The following MOCS1 variants were observed in gnomAD, a reference collection of about 807,000 sequenced individuals.
MOCS1 encodes the protein molybdenum cofactor biosynthesis protein 1.
In MOCS1, 39 loss-of-function variants were observed where a neutral mutation model predicts 57.6. That is an observed-to-expected ratio of 0.68 (90% CI 0.52 to 0.88). The LOEUF is 0.88. Among genes scored for constraint, MOCS1 ranks in the 40% least tolerant of loss-of-function variants. The probability of loss-of-function intolerance (pLI) is 0.00; values close to 1 mark genes in which losing one functional copy is unlikely to be tolerated. For synonymous variants in MOCS1, 334 were observed against 335.7 expected, an observed-to-expected ratio of 1.00 and a Z score of 0.05; for missense variants, 795 against 831.1, an observed-to-expected ratio of 0.96 and a Z score of 0.53.
At chr6:39,927,901 T>C (rs75079579) in intron 1 of MOCS1, among the ~76,000 whole-genome samples, 1 of 152,060 alleles carries the variant, frequency 6.6e-6, no homozygotes, top group African/African-American at 2.4e-5. Context: ...GCTTCACTCT[T>C]TCCCATGTAC....
At position 39,905,801 on chromosome 6, in the gene MOCS1, G is replaced by A. The variant is rs780037358; in HGVS notation, c.*556C>T. 1 of 470,990 alleles carries A rather than the reference G, an allele frequency of 2.1e-6. No individual in the cohort carries two copies. The highest frequency in any genetic ancestry group is 1.5e-5 in the South Asian group (1 of 64,566). 29.2% of individuals were successfully genotyped at this position (470,990 alleles called of 1,614,324 possible). A position where few individuals can be genotyped will look rare whatever the true frequency, so the allele number is the denominator to read the frequency against. ...CAAGTCTGATGGGACACAGACTTGG[G>A]CAGAAGGAGAGATGAAGTCAGGACA... On this transcript the variant is annotated 3_prime_UTR_variant, in exon 11 of 11. Coordinates refer to ENST00000340692, the MANE Select transcript of MOCS1 (RefSeq NM_001358530.2).
At chr6:39,927,153 C>A (rs961832597) in intron 2 of MOCS1, 176 bp downstream of exon 2, 4 of 659,332 alleles carry the variant, frequency 6.1e-6, no homozygotes, top group Non-Finnish European at 1.0e-5. Context: ...TACAACTCAG[C>A]CTTGACCCCT....
rs769994559 is a variant in MOCS1, at chr6:39,906,326, C to G, written c.*31G>C. The stretch of plus-strand genomic sequence containing the variant: ...CCTACATTGCATCCCAGCTCCAGGC[C>G]TGGGTGGGCCATGGGTGAGAAGGGC... On this transcript the variant is annotated 3_prime_UTR_variant, in exon 11 of 11. Transcript: ENST00000340692. 2.5e-6 allele frequency: 4 copies of G among 1,599,602 alleles called. No homozygotes were observed. Among genetic ancestry groups the G allele is most frequent in the East Asian group, 4.5e-5 (2 of 44,560 alleles).
intron 7 of MOCS1, 130 bp from the exon 8 acceptor site, chr6:39,912,504 CA>C: frequency 1.4e-6 from 1 of 729,466 alleles, no homozygotes. Context: ...AAGCTCCACC[CA>C]AGGCCCTCAG....
intron 8 of MOCS1, among the ~76,000 whole-genome samples, chr6:39,911,992 C>G (rs1414157430): frequency 6.6e-6 from 1 of 152,194 alleles, no homozygotes; most frequent in Admixed American, 6.5e-5. Flanking sequence ...TCCTGCAGCT[C>G]CATGAGAGCT....
At chr6:39,923,058 G>C (rs573938969) in intron 3 of MOCS1, among the ~76,000 whole-genome samples, 56 of 152,298 alleles carry the variant, frequency 3.7e-4, no homozygotes, top group Middle Eastern at 3.4e-3. Flanking sequence ...GGAAGTGAGG[G>C]GGTGCAGCCA....
At chr6:39,934,136 G>A (rs1033433517) in intron 1 of MOCS1, among the ~76,000 whole-genome samples, 159 bp downstream of exon 1, 3 of 152,078 alleles carry the variant, frequency 2.0e-5, no homozygotes, top group East Asian at 3.9e-4. Context: ...GGGTGAGACC[G>A]GGCGGTCCAT....
intron 10 of MOCS1, among the ~76,000 whole-genome samples, chr6:39,908,557 T>C (rs1582802665): frequency 6.6e-6 from 1 of 152,210 alleles, no homozygotes; most frequent in East Asian, 1.9e-4. Flanking sequence ...TTACCTCATG[T>C]TACATGTGAG....
intron 3 of MOCS1, among the ~76,000 whole-genome samples, chr6:39,923,347 C>T (rs1292896320): frequency 1.3e-5 from 2 of 152,242 alleles, no homozygotes; most frequent in African/African-American, 2.4e-5. Context: ...GTTCACCCAG[C>T]CAGAGAGTGG....
intron 3 of MOCS1, among the ~76,000 whole-genome samples, chr6:39,921,086 G>A (rs1373121730): frequency 1.3e-5 from 2 of 151,936 alleles, no homozygotes; most frequent in African/African-American, 2.4e-5. Flanking sequence ...TATAGGGAAG[G>A]CCCCATAGGT....
chr6:39,912,167 G>C (rs976232779), intron 8 of MOCS1, 97 bp downstream of exon 8: 4 of 954,176 alleles, frequency 4.2e-6, no homozygotes, highest in Non-Finnish European at 6.9e-6. Flanking sequence ...CCGACACCGT[G>C]CCCTGCCAGC....
At chr6:39,908,327 A>G (rs1767083012) in intron 10 of MOCS1, among the ~76,000 whole-genome samples, 1 of 152,036 alleles carries the variant, frequency 6.6e-6, no homozygotes, top group South Asian at 2.1e-4. Flanking sequence ...CTGCGAGCAA[A>G]GGGTCAAGGC....
chr6:39,914,988 C>T (rs1767573419), intron 4 of MOCS1, among the ~76,000 whole-genome samples: 1 of 152,122 alleles, frequency 6.6e-6, no homozygotes, highest in Non-Finnish European at 1.5e-5. Flanking sequence ...GAGTATGTGC[C>T]ATTGATTGAA....
At chr6:39,915,963 G>C (rs1238298204) in intron 4 of MOCS1, 105 bp downstream of exon 4, 2 of 1,289,910 alleles carry the variant, frequency 1.6e-6, no homozygotes, top group Non-Finnish European at 2.2e-6. Context: ...TGATAGCCCA[G>C]ACACCAAGAG....
intron 9 of MOCS1, among the ~76,000 whole-genome samples, chr6:39,909,561 AC>A (rs1482012777): frequency 2.0e-5 from 3 of 151,512 alleles, no homozygotes; most frequent in Non-Finnish European, 4.4e-5. Context: ...AAGCAATGAC[AC>A]CCCCTTCTCC....
At chr6:39,923,497 C>T (rs1018500631) in intron 3 of MOCS1, among the ~76,000 whole-genome samples, 2 of 152,266 alleles carry the variant, frequency 1.3e-5, no homozygotes, top group African/African-American at 4.8e-5. Flanking sequence ...GATCCTCATC[C>T]CCTCTGCTCT....
intron 10 of MOCS1, among the ~76,000 whole-genome samples, chr6:39,908,796 C>T (rs956531969): frequency 6.6e-6 from 1 of 152,128 alleles, no homozygotes; most frequent in Non-Finnish European, 1.5e-5. Flanking sequence ...TTAAATCTGG[C>T]AGACCATCCC....
chr6:39,909,961 T>C lies in MOCS1; in HGVS notation c.982-6A>G, dbSNP rs1482016729. The C allele has an allele frequency of 3.7e-6, 6 of 1,613,036 alleles. No individual in the cohort carries two copies. Among genetic ancestry groups the C allele is most frequent in the Non-Finnish European group, 5.1e-6 (6 of 1,179,960 alleles). ...GAGTTTCCAAAGAGGCAGACCTACA[T>C]GTGGGTGAGGACAATATGCCTTCCT... On this transcript the variant is annotated splice_region_variant and splice_polypyrimidine_tract_variant and intron_variant, in intron 8 of 10. Transcript: ENST00000340692.
rs1767006327 is a variant in MOCS1, at chr6:39,907,069, A to G, written c.1199T>C (p.Phe400Ser). The G allele has an allele frequency of 1.2e-6, 2 of 1,613,376 alleles. No individual in the cohort carries two copies. The highest frequency in any genetic ancestry group is 2.2e-5 in the East Asian group (1 of 44,848). The part of the protein sequence containing the change: ...PNSPPANPSI[F>S]SWDPLHVQGL... ...CTGAACATGGAGCGGGTCCCAGGAG[A>G]AAATGCTTGGATTGGCTGGTGGGGA... The change falls in exon 11 of 11, where the codon TTC becomes TCC. Residue 400 changes from phenylalanine (F) to serine (S), a missense_variant. By Grantham distance (155) the Phe-to-Ser change is radical. Coordinates refer to ENST00000340692, the MANE Select transcript of MOCS1 (RefSeq NM_001358530.2).
Sources: gnomAD v4.1 joint callset for allele counts (sites outside exome capture counted in the v4.1 genomes callset) on GRCh38, gnomAD v4.1.1 for gene constraint, MANE v1.5 for transcripts, NCBI Gene and HGNC (gene_info 2026-07-23, HGNC 2026-07-21) for gene names.